Variants in ATF2 observed in about 807,000 individuals in gnomAD.
ATF2 encodes the protein cyclic AMP-dependent transcription factor ATF-2.
A neutral mutation model predicts 60.6 loss-of-function variants in ATF2; 24 were observed. That is an observed-to-expected ratio of 0.40 (90% confidence interval 0.29 to 0.56). The LOEUF (loss-of-function observed/expected upper bound fraction) is 0.56, where lower values mean the gene tolerates loss of function less well. ATF2 is among the 20% of genes least tolerant of loss of function. The pLI, the probability that ATF2 is intolerant of heterozygous loss-of-function variation, is 0.54. For synonymous variants in ATF2, 206 were observed against 215.4 expected (o/e 0.96, Z 0.38); for missense variants, 433 against 607.7 (o/e 0.71, Z 3.02).
chr2:175,116,869 T>C (rs1204390269), intron 7 of ATF2, among the ~76,000 whole-genome samples: 1 of 151,962 alleles, frequency 6.6e-6, no homozygotes, highest in African/African-American at 2.4e-5. Flanking sequence ...GGAAACAACC[T>C]TTATGTCCAA....
chr2:175,081,316 T>C (rs1693742185), intron 12 of ATF2, among the ~76,000 whole-genome samples: 1 of 152,150 alleles, frequency 6.6e-6, no homozygotes, highest in African/African-American at 2.4e-5. Flanking sequence ...AAACTAGATA[T>C]AACATTTAAA....
Position 175,084,206 on chromosome 2 carries a change from C to T in ATF2, c.1186-3441G>A, listed in dbSNP as rs1693973958. Among the ~76,000 whole-genome samples the T allele has an allele frequency of 2.0e-5, 3 of 151,934 alleles. No individual in the cohort carries two copies. The South Asian group carries it at 6.2e-4, about 32-fold the overall frequency. On this transcript the variant is annotated intron_variant, in intron 12 of 13. Coordinates refer to ENST00000264110, the MANE Select transcript of ATF2 (RefSeq NM_001880.4). ...GACACATGCACATGTATGTTTATTG[C>T]AGCACTATTCACAATAGCAAAGACT...
At chr2:175,154,251 A>ATGTATT (rs879448060) in intron 1 of ATF2, among the ~76,000 whole-genome samples, 1 of 148,892 alleles carries the variant, frequency 6.7e-6, no homozygotes, top group Non-Finnish European at 1.5e-5. Context: ...ATATATATAT[A>ATGTATT]TTTTTTACTT....
At chr2:175,092,959 A>G (rs1694660158) in intron 12 of ATF2, 102 bp downstream of exon 12, 1 of 1,211,644 alleles carries the variant, frequency 8.3e-7, no homozygotes, top group Non-Finnish European at 1.2e-6. Flanking sequence ...CACACCCAAT[A>G]TCATGTCCTA....
intron 10 of ATF2, among the ~76,000 whole-genome samples, chr2:175,098,868 G>T (rs1401497665): frequency 2.6e-5 from 4 of 151,904 alleles, no homozygotes; most frequent in African/African-American, 9.7e-5. Context: ...TATCATATGT[G>T]ATCCAGATCC....
At chr2:175,136,649 C>T (rs1436863525) in intron 2 of ATF2, among the ~76,000 whole-genome samples, 163 bp from the exon 3 acceptor site, 1 of 152,068 alleles carries the variant, frequency 6.6e-6, no homozygotes, top group East Asian at 1.9e-4. Context: ...GAAATATCAA[C>T]ACACCTACAC....
chr2:175,141,030 AATATATATATAT>A (rs1553513531), intron 2 of ATF2, among the ~76,000 whole-genome samples: 1 of 37,596 alleles, frequency 2.7e-5, no homozygotes, highest in African/African-American at 1.2e-4. Context: ...AAAAAAAAAA[AATATATATATAT>A]ATATATATAT....
intron 3 of ATF2, among the ~76,000 whole-genome samples, chr2:175,132,954 C>G (rs1036904368): frequency 6.6e-6 from 1 of 151,862 alleles, no homozygotes; most frequent in African/African-American, 2.4e-5. Flanking sequence ...GGCATGGTGG[C>G]ACACACCTGT....
At chr2:175,164,433 C>T (rs1361810809) in intron 1 of ATF2, among the ~76,000 whole-genome samples, 1 of 152,086 alleles carries the variant, frequency 6.6e-6, no homozygotes, top group Admixed American at 6.5e-5. Flanking sequence ...ATTCGGGAGG[C>T]TCAGACAGGA....
intron 12 of ATF2, 29 bp from the exon 13 acceptor site, chr2:175,080,794 C>G (rs771695706): frequency 6.5e-7 from 1 of 1,535,970 alleles, no homozygotes; most frequent in Admixed American, 1.7e-5. Flanking sequence ...ATGTACCTTA[C>G]CACAGACTAA....
At chr2:175,141,075 A>T (rs976464270) in intron 2 of ATF2, among the ~76,000 whole-genome samples, 1 of 137,728 alleles carries the variant, frequency 7.3e-6, no homozygotes, top group Admixed American at 7.5e-5. Context: ...GTGTGTGTAT[A>T]TATATGTATA....
chr2:175,144,213 A>G (rs1324328151), intron 2 of ATF2, among the ~76,000 whole-genome samples: 2 of 152,188 alleles, frequency 1.3e-5, no homozygotes, highest in South Asian at 2.1e-4. Context: ...GGTTCCTAAT[A>G]TAGTCCTAAC....
In ATF2 at chr2:175,079,080, T is replaced by G. The variant is rs1693574826; in HGVS notation, c.1291+1580A>C. ...GTATTAATCTAGATTTTCAGTCATT[T>G]AAGTATACAGTATATAAACCTACGC... On this transcript the variant is annotated intron_variant, in intron 13 of 13. Coordinates refer to ENST00000264110, the MANE Select transcript of ATF2 (RefSeq NM_001880.4). 2.0e-5 allele frequency among the ~76,000 whole-genome samples: 3 copies of G among 152,198 alleles called. No homozygotes were observed. In the South Asian group the frequency reaches 6.2e-4, roughly 32 times the overall value.
chr2:175,151,020 G>C (rs1285854567), intron 2 of ATF2, 40 bp downstream of exon 2: 1 of 152,490 alleles, frequency 6.6e-6, no homozygotes, highest in African/African-American at 2.4e-5. Flanking sequence ...ATCACAAAAT[G>C]AAAAGAATAC....
chr2:175,112,462 G>A lies in ATF2; in HGVS notation c.742-808C>T, dbSNP rs1014663072. On this transcript the variant is annotated intron_variant, in intron 9 of 13. Coordinates refer to ENST00000264110, the MANE Select transcript of ATF2 (RefSeq NM_001880.4). ...AATTTTGGATAGTTTGAAAGATCAC[G>A]TGGAAGAATTAGTTAATTAAAAAAA... 2.6e-5 allele frequency among the ~76,000 whole-genome samples: 4 copies of A among 152,092 alleles called. 1 individual carries two copies. The highest frequency in any genetic ancestry group is 3.9e-4 in the East Asian group (2 of 5,182).
chr2:175,167,924 G>A (rs1021846505), intron 1 of ATF2, 126 bp downstream of exon 1: 2 of 360,316 alleles, frequency 5.6e-6, no homozygotes, highest in Admixed American at 7.3e-5. Flanking sequence ...GAGCACGTCA[G>A]GAGCACCCGA....
At chr2:175,101,304 T>A (rs985669916) in intron 10 of ATF2, among the ~76,000 whole-genome samples, 6 of 151,828 alleles carry the variant, frequency 4.0e-5, no homozygotes, top group African/African-American at 1.2e-4. Flanking sequence ...AAGACCTGAG[T>A]TGGAAAAGTG....
At chr2:175,139,566 G>A (rs996622442) in intron 2 of ATF2, among the ~76,000 whole-genome samples, 22 of 151,744 alleles carry the variant, frequency 1.4e-4, no homozygotes, top group Non-Finnish European at 2.4e-4. Context: ...CCAGCTACTC[G>A]GGAGGCTGAG....
chr2:175,100,987 T>A (rs1209450830), intron 10 of ATF2, among the ~76,000 whole-genome samples: 1 of 152,164 alleles, frequency 6.6e-6, no homozygotes, highest in Non-Finnish European at 1.5e-5. Context: ...CTGAGGAAAT[T>A]AAATTTATGT....
Sources: gnomAD v4.1 joint callset for allele counts (sites outside exome capture counted in the v4.1 genomes callset) on GRCh38, gnomAD v4.1.1 for gene constraint, MANE v1.5 for transcripts, NCBI Gene and HGNC (gene_info 2026-07-23, HGNC 2026-07-21) for gene names.